Variants in MCF2L observed in about 807,000 individuals in gnomAD.
MCF2L encodes the protein MCF.2 cell line derived transforming sequence like, also known as guanine nucleotide exchange factor DBS.
In MCF2L, 97 loss-of-function variants were observed where a neutral mutation model predicts 153.4. The observed-to-expected ratio is 0.63, with a 90% CI of 0.54 to 0.75. The LOEUF is 0.75. MCF2L is among the 30% of genes least tolerant of loss of function. The pLI, the probability that MCF2L is intolerant of heterozygous loss-of-function variation, is 0.00. For missense variants in MCF2L, 1,347 were observed against 1,495.2 expected (o/e 0.90, Z 1.64); for synonymous variants, 659 against 632.2 (o/e 1.04, Z -0.64).
At chr13:112,924,845 T>C (rs1367187728) in intron 2 of MCF2L, among the ~76,000 whole-genome samples, 5 of 152,216 alleles carry the variant, frequency 3.3e-5, no homozygotes, top group Non-Finnish European at 7.3e-5. Flanking sequence ...ATACAGCCTC[T>C]TTAATGAAAA....
At chr13:113,001,575 T>G in intron 1 of MCF2L, 2 of 573,364 alleles carry the variant, frequency 3.5e-6, no homozygotes, top group Non-Finnish European at 4.8e-6. Flanking sequence ...TTTGGCGGAG[T>G]GTGGGGCCCC....
chr13:113,018,731 A>G (rs145364014), intron 2 of MCF2L, among the ~76,000 whole-genome samples: 207 of 152,296 alleles, frequency 1.4e-3, no homozygotes, highest in African/African-American at 4.5e-3. Flanking sequence ...GAAGTGAAAA[A>G]CGCAGAGAAC....
chr13:112,941,710 A>G lies in MCF2L; in HGVS notation c.169+39339A>G, dbSNP rs1594360255. 6.6e-6 allele frequency among the ~76,000 whole-genome samples: 1 copy of G among 152,044 alleles called. No individual in the cohort carries two copies. Among genetic ancestry groups the G allele is most frequent in the Non-Finnish European group, 1.5e-5 (1 of 68,042 alleles). On this transcript the variant is annotated intron_variant, in intron 2 of 29. Transcript: ENST00000375608. This position sits in a 1 kb window ranked among gnomAD's most constrained non-coding sequence, Gnocchi z 4.9. ...GTTCCAGTATAATAAAATATATAAA[A>G]TAAGAATAGTTATACTAGATATCGA...
At chr13:113,071,754 G>A (rs1024216769) in intron 9 of MCF2L, among the ~76,000 whole-genome samples, 5 of 152,286 alleles carry the variant, frequency 3.3e-5, no homozygotes, top group African/African-American at 1.2e-4. Flanking sequence ...TGTACCACAA[G>A]GTCTTAATTG....
intron 1 of MCF2L, chr13:112,985,271 C>T (rs2140932444): frequency 2.5e-6 from 1 of 392,586 alleles, no homozygotes; most frequent in South Asian, 1.8e-5. Flanking sequence ...GCCAGCTGGT[C>T]CCTCATGCAG....
intron 1 of MCF2L, among the ~76,000 whole-genome samples, chr13:112,994,299 G>T (rs182227075): frequency 5.3e-4 from 81 of 151,468 alleles, no homozygotes; most frequent in Non-Finnish European, 8.8e-4. Flanking sequence ...GGCGCGGCGC[G>T]TGGGACGCCA....
rs946327912 is a variant in MCF2L at position 113,083,852 on chromosome 13, C to A, written c.1992-146C>A. 4.4e-6 allele frequency: 3 copies of A among 687,654 alleles called. No homozygotes were observed. In the African/African-American group the frequency reaches 5.3e-5, roughly 12 times the overall value. 42.6% of individuals were successfully genotyped at this position (687,654 alleles called of 1,614,324 possible). A position where few individuals can be genotyped will look rare whatever the true frequency, so the allele number is the denominator to read the frequency against. On this transcript the variant is annotated intron_variant, in intron 17 of 29. Transcript: ENST00000535094. ...CTGAGAGCTTGGTGCTCAGGACAGG[C>A]GTGGCTGCGGCGTCTCCAAGTCATG...
rs1028813375 is a variant in MCF2L at position 113,096,952 on chromosome 13, C to T, written c.*93C>T. 3 of 901,784 alleles carry T rather than the reference C, an allele frequency of 3.3e-6. No homozygotes were observed. The highest frequency in any genetic ancestry group is 7.4e-5 in the East Asian group (2 of 26,966). 55.9% of individuals were successfully genotyped at this position (901,784 alleles called of 1,614,324 possible). A position where few individuals can be genotyped will look rare whatever the true frequency, so the allele number is the denominator to read the frequency against. ...CGGACGCCCCGAGGAAGGGGCACCT[C>T]ACCGCCCCCACCCAGAGCGCCTGGC... On this transcript the variant is annotated 3_prime_UTR_variant, in exon 30 of 30. Transcript: ENST00000535094.
At position 113,070,467 on chromosome 13, in the gene MCF2L, G is replaced by A. The variant is rs1430106825; in HGVS notation, c.996+294G>A. ...AGGAAGCCTTTGCTCTCCCTTCATA[G>A]TCATTTGCATGCCCTTTTATTCAAC... On this transcript the variant is annotated intron_variant, in intron 9 of 29. Coordinates refer to ENST00000535094, the MANE Select transcript of MCF2L (RefSeq NM_001112732.3). The surrounding 1 kb of genome is among the most constrained non-coding windows in gnomAD (Gnocchi z 5.6). 4.4e-6 allele frequency: 1 copy of A among 226,932 alleles called. No individual in the cohort carries two copies. Among genetic ancestry groups the A allele is most frequent in the East Asian group, 1.3e-4 (1 of 7,444 alleles). 14.1% of individuals were successfully genotyped at this position (226,932 alleles called of 1,614,324 possible). A position where few individuals can be genotyped will look rare whatever the true frequency, so the allele number is the denominator to read the frequency against.
intron 2 of MCF2L, among the ~76,000 whole-genome samples, chr13:113,023,481 G>A (rs569536749): frequency 6.6e-6 from 1 of 152,312 alleles, no homozygotes; most frequent in Admixed American, 6.5e-5. Context: ...GGAGACAGTG[G>A]CTGTGGGGGG....
intron 3 of MCF2L, among the ~76,000 whole-genome samples, chr13:113,030,641 A>G (rs1458925728): frequency 2.0e-5 from 3 of 151,166 alleles, no homozygotes; most frequent in African/African-American, 4.9e-5. Context: ...GTCTGCCGAC[A>G]CAGGTGTGGG....
At chr13:112,950,691 A>T (rs2081683278) in intron 2 of MCF2L, among the ~76,000 whole-genome samples, 1 of 152,254 alleles carries the variant, frequency 6.6e-6, no homozygotes. Flanking sequence ...CAAAAGAACC[A>T]TGAGCCAAGT....
At chr13:112,948,956 C>T (rs2081664344) in intron 2 of MCF2L, among the ~76,000 whole-genome samples, 1 of 152,194 alleles carries the variant, frequency 6.6e-6, no homozygotes, top group African/African-American at 2.4e-5. Context: ...GTCCCAGCTA[C>T]TCATGAGGCA....
rs146148496 is a variant in MCF2L at position 112,972,649 on chromosome 13, G to A, written c.79+3191G>A. On this transcript the variant is annotated intron_variant, in intron 1 of 29. Coordinates refer to ENST00000535094, the MANE Select transcript of MCF2L (RefSeq NM_001112732.3). Reference sequence around the variant, plus strand: ...GGATGGATGAATGAGTTGGTAGATAGATGGATGAGTGGATATATGTATGTA... The same window carrying A: ...GGATGGATGAATGAGTTGGTAGATAAATGGATGAGTGGATATATGTATGTA... 1.9e-3 allele frequency among the ~76,000 whole-genome samples: 270 copies of A among 145,734 alleles called. 1 individual carries two copies. Among genetic ancestry groups the A allele is most frequent in the Non-Finnish European group, 3.2e-3 (214 of 66,380 alleles).
intron 3 of MCF2L, among the ~76,000 whole-genome samples, chr13:113,029,703 G>T (rs114915605): frequency 0.012 from 1,755 of 152,326 alleles, 32 homozygotes; most frequent in African/African-American, 0.039. Flanking sequence ...GCTCGGTCCC[G>T]GGACATCCCT....
At chr13:113,077,702 C>T (rs2033647407) in intron 13 of MCF2L, among the ~76,000 whole-genome samples, 1 of 152,210 alleles carries the variant, frequency 6.6e-6, no homozygotes, top group Non-Finnish European at 1.5e-5. Context: ...GCGCGCATTG[C>T]TGGTCCCAAA....
At chr13:112,936,334 A>T (rs1029719092) in intron 2 of MCF2L, among the ~76,000 whole-genome samples, 2 of 150,690 alleles carry the variant, frequency 1.3e-5, no homozygotes, top group Non-Finnish European at 2.9e-5. Context: ...TTGACCTTGG[A>T]CTTCCAGCCT....
intron 1 of MCF2L, among the ~76,000 whole-genome samples, chr13:112,994,889 C>T (rs1418289497): frequency 1.3e-5 from 2 of 152,258 alleles, no homozygotes; most frequent in African/African-American, 4.8e-5. Flanking sequence ...TGAGCCCAGG[C>T]AGCCCTCGAC....
chr13:112,962,857 G>C (rs1180020422), intron 2 of MCF2L, among the ~76,000 whole-genome samples: 4 of 152,212 alleles, frequency 2.6e-5, no homozygotes, highest in African/African-American at 7.2e-5. Flanking sequence ...ACAGTAGTTT[G>C]CTGAACCCAG....
Sources: allele counts gnomAD v4.1 joint callset (sites outside exome capture counted in the v4.1 genomes callset), GRCh38; gene constraint gnomAD v4.1.1; non-coding constraint Gnocchi (gnomAD v3.1); transcripts MANE v1.5; gene names NCBI Gene and HGNC (gene_info 2026-07-23, HGNC 2026-07-21).